Variants in UGT8 observed in about 807,000 individuals in gnomAD.
The protein encoded by UGT8 is UDP glycosyltransferase 8, also known as 2-hydroxyacylsphingosine 1-beta-galactosyltransferase.
UGT8 carries 12 observed loss-of-function variants against 40.5 expected under a neutral mutation model. That is an observed-to-expected ratio of 0.30 (90% CI 0.19 to 0.48). The LOEUF (loss-of-function observed/expected upper bound fraction) is 0.48. Ranked by LOEUF, UGT8 falls within the 20% of genes least tolerant of loss-of-function variation. The pLI is 0.99. For synonymous variants in UGT8, 224 were observed against 240.4 expected, an observed-to-expected ratio of 0.93 and a Z score of 0.63; for missense variants, 513 against 648.7, an observed-to-expected ratio of 0.79 and a Z score of 2.27.
chr4:114,630,170 A>G (rs1732482049), intron 2 of UGT8, among the ~76,000 whole-genome samples: 1 of 152,208 alleles, frequency 6.6e-6, no homozygotes, highest in South Asian at 2.1e-4. Flanking sequence ...GGCACTGAAG[A>G]CAAACTACCT....
In UGT8 at chr4:114,623,601, A is replaced by C. The variant is rs181812605; in HGVS notation, c.721A>C (p.Met241Leu). 6 of 1,614,110 alleles carry C rather than the reference A, an allele frequency of 3.7e-6. No homozygotes were observed. The highest frequency in any genetic ancestry group is 5.1e-6 in the Non-Finnish European group (6 of 1,180,000). ...YDLVHGSSLW[M>L]LCTDVALEFP... ...TTTGGTTCATGGGTCCAGCCTGTGG[A>C]TGCTGTGTACTGACGTAGCACTGGA... The change falls in exon 2 of 6, where the codon ATG becomes CTG. Residue 241 changes from methionine (M) to leucine (L), a missense_variant. Met to Leu is a conservative substitution (Grantham distance 15). Around this residue, in one of 3 missense-constraint regions of UGT8, gnomAD observed 335 missense variants for 444.8 expected, o/e 0.75. Coordinates refer to ENST00000310836, the MANE Select transcript of UGT8 (RefSeq NM_001128174.3).
chr4:114,622,685 C>G, intron 1 of UGT8, 194 bp from the exon 2 acceptor site: 1 of 518,702 alleles, frequency 1.9e-6, no homozygotes, highest in Non-Finnish European at 3.4e-6. Flanking sequence ...TCTCTGATGG[C>G]CAGTGATGGT....
chr4:114,612,065 T>C (rs925843143), intron 1 of UGT8, among the ~76,000 whole-genome samples: 9 of 152,208 alleles, frequency 5.9e-5, no homozygotes, highest in Non-Finnish European at 1.0e-4. Flanking sequence ...TCTGATCATC[T>C]TAAGGACAAA....
At chr4:114,673,597 CATCTGTTTA>C (rs1240989473) in intron 5 of UGT8, among the ~76,000 whole-genome samples, 1 of 152,150 alleles carries the variant, frequency 6.6e-6, no homozygotes, top group African/African-American at 2.4e-5. Flanking sequence ...TCCATTAAAG[CATCTGTTTA>C]ATCTGTTTAA....
chr4:114,620,211 T>A (rs1225630709), intron 1 of UGT8, among the ~76,000 whole-genome samples: 6 of 152,164 alleles, frequency 3.9e-5, no homozygotes, highest in Non-Finnish European at 7.4e-5. Context: ...CTGAACAGAG[T>A]GTACCTATGG....
At chr4:114,634,791 T>C (rs1732786997) in intron 2 of UGT8, among the ~76,000 whole-genome samples, 3 of 152,236 alleles carry the variant, frequency 2.0e-5, no homozygotes, top group Admixed American at 1.3e-4. Context: ...AAATTGTGAG[T>C]GGGTCAGTGA....
chr4:114,655,051 A>AGTTTTTT (rs375258158), intron 2 of UGT8, among the ~76,000 whole-genome samples: 7 of 150,230 alleles, frequency 4.7e-5, no homozygotes, highest in Admixed American at 4.6e-4. Flanking sequence ...CCCGGTACCT[A>AGTTTTTT]GTTTTTTGTT....
intron 5 of UGT8, among the ~76,000 whole-genome samples, chr4:114,670,496 C>A (rs1474633659): frequency 6.8e-5 from 10 of 146,072 alleles, no homozygotes; most frequent in African/African-American, 2.5e-4. Flanking sequence ...CCCTGGGATG[C>A]AAGGCTGGTT....
At chr4:114,616,144 T>C (rs183993479) in intron 1 of UGT8, among the ~76,000 whole-genome samples, 1,914 of 152,284 alleles carry the variant, frequency 0.013, 29 homozygotes, top group African/African-American at 0.035. Context: ...CAGGGACATT[T>C]AAGTCTGCAG....
At chr4:114,599,270 G>A (rs1280375757) in intron 1 of UGT8, among the ~76,000 whole-genome samples, 1 of 152,166 alleles carries the variant, frequency 6.6e-6, no homozygotes, top group African/African-American at 2.4e-5. Context: ...TCCGTTCGAG[G>A]GTTCTCTCGC....
At chr4:114,642,416 A>G (rs1271427836) in intron 2 of UGT8, among the ~76,000 whole-genome samples, 2 of 152,142 alleles carry the variant, frequency 1.3e-5, no homozygotes, top group Admixed American at 6.6e-5. Flanking sequence ...TTGTAGCAAG[A>G]TTAACATATG....
intron 2 of UGT8, among the ~76,000 whole-genome samples, chr4:114,652,718 T>C (rs571050694): frequency 2.6e-5 from 4 of 152,060 alleles, no homozygotes; most frequent in South Asian, 2.1e-4. Flanking sequence ...TATAATGAGA[T>C]GAAAGAGTGC....
At chr4:114,632,648 A>T (rs937114442) in intron 2 of UGT8, among the ~76,000 whole-genome samples, 1 of 152,210 alleles carries the variant, frequency 6.6e-6, no homozygotes, top group East Asian at 1.9e-4. Flanking sequence ...TTTGATTTGC[A>T]CAGATCTTTA....
intron 1 of UGT8, among the ~76,000 whole-genome samples, chr4:114,603,555 G>A (rs1356878261): frequency 6.6e-6 from 1 of 152,082 alleles, no homozygotes; most frequent in African/African-American, 2.4e-5. Context: ...TTAGGAGGGT[G>A]TAACTTTTAA....
intron 1 of UGT8, among the ~76,000 whole-genome samples, chr4:114,613,349 T>A (rs1341828690): frequency 6.6e-6 from 1 of 152,174 alleles, no homozygotes; most frequent in Non-Finnish European, 1.5e-5. Flanking sequence ...TTTTCTAACA[T>A]ACTACTTCAA....
At chr4:114,669,063 A>G (rs563779973) in intron 5 of UGT8, among the ~76,000 whole-genome samples, 2 of 152,368 alleles carry the variant, frequency 1.3e-5, no homozygotes, top group Middle Eastern at 6.8e-3. Context: ...CCTAGGGGAT[A>G]TGGCTTAACA....
chr4:114,606,283 G>A (rs1730724908), intron 1 of UGT8, among the ~76,000 whole-genome samples: 1 of 152,154 alleles, frequency 6.6e-6, no homozygotes, highest in Non-Finnish European at 1.5e-5. Context: ...TTTTTTACTA[G>A]CAACGGAATG....
intron 2 of UGT8, among the ~76,000 whole-genome samples, chr4:114,626,208 C>G (rs1211097672): frequency 6.6e-6 from 1 of 152,146 alleles, no homozygotes; most frequent in East Asian, 1.9e-4. Context: ...CATGTTCCCA[C>G]TGAGATTTTT....
chr4:114,646,050 G>GCAGA (rs1245082924), intron 2 of UGT8, among the ~76,000 whole-genome samples: 3 of 152,096 alleles, frequency 2.0e-5, no homozygotes, highest in Admixed American at 6.5e-5. Flanking sequence ...AAGAAGTATT[G>GCAGA]CAGAGTATCT....
Sources: allele counts gnomAD v4.1 joint callset (sites outside exome capture counted in the v4.1 genomes callset), GRCh38; gene constraint gnomAD v4.1.1; regional missense constraint gnomAD v4.1.1; transcripts MANE v1.5; gene names NCBI Gene and HGNC (gene_info 2026-07-23, HGNC 2026-07-21).